ABCA13: variants seen among roughly 807,000 people sequenced by gnomAD.
The protein encoded by ABCA13 is ATP binding cassette subfamily A member 13, also known as ATP-binding cassette sub-family A member 13.
ABCA13 carries 476 observed loss-of-function variants against 478.7 expected under a neutral mutation model. That is an observed-to-expected ratio of 0.99 (90% CI 0.92 to 1.07). The LOEUF is 1.07. Among genes scored for constraint, ABCA13 ranks in the 50% least tolerant of loss-of-function variants. The pLI is 0.00. For synonymous variants in ABCA13, 2,252 were observed against 2,158.9 expected, an observed-to-expected ratio of 1.04 and a Z score of -1.20; for missense variants, 6,060 against 5,910.6, an observed-to-expected ratio of 1.03 and a Z score of -0.83.
At chr7:48,615,458 A>G in intron 59 of ABCA13, 81 bp downstream of exon 59, 1 of 1,265,364 alleles carries the variant, frequency 7.9e-7, no homozygotes, top group Non-Finnish European at 1.1e-6. Context: ...GAGATGCTTT[A>G]GAGGCAAGTA....
In ABCA13 at chr7:48,537,340, T is replaced by C. The variant is rs117481278; in HGVS notation, c.14354+8995T>C. Among the ~76,000 whole-genome samples, 76 of 152,330 alleles carry C rather than the reference T, an allele frequency of 5.0e-4. 1 individual carries two copies. The East Asian group carries it at 0.011, about 21-fold the overall frequency. On this transcript the variant is annotated intron_variant, in intron 55 of 61. Coordinates refer to ENST00000435803, the MANE Select transcript of ABCA13 (RefSeq NM_152701.5). The stretch of plus-strand genomic sequence containing the variant: ...TTTTACCTTGATCCTAAAAATGTAA[T>C]AAATCATAGTATTGTTGTTATTCTC...
chr7:48,629,540 C>T (rs370224847), intron 59 of ABCA13, among the ~76,000 whole-genome samples: 3 of 15,828 alleles, frequency 1.9e-4, no homozygotes, highest in African/African-American at 7.7e-4. Flanking sequence ...TATAAAAGAA[C>T]AAAAAAAATT....
At chr7:48,479,052 A>G (rs1425051548) in intron 45 of ABCA13, among the ~76,000 whole-genome samples, 2 of 147,542 alleles carry the variant, frequency 1.4e-5, no homozygotes, top group Non-Finnish European at 3.0e-5. Flanking sequence ...GGTTCACGCC[A>G]TTCTCCTGCC....
At chr7:48,284,324 G>GT (rs149403471) in intron 19 of ABCA13, among the ~76,000 whole-genome samples, 2,106 of 151,482 alleles carry the variant, frequency 0.014, 21 homozygotes, top group Non-Finnish European at 0.019. Context: ...GGTTTTGCAT[G>GT]TTTTTTTTTC....
intron 53 of ABCA13, among the ~76,000 whole-genome samples, chr7:48,523,540 A>C (rs1585695364): frequency 2.0e-5 from 3 of 151,936 alleles, no homozygotes; most frequent in Admixed American, 1.3e-4. Context: ...ATACTAACTC[A>C]GTCGTTATCA....
At chr7:48,402,133 A>G (rs776406061) in intron 38 of ABCA13, among the ~76,000 whole-genome samples, 1 of 152,132 alleles carries the variant, frequency 6.6e-6, no homozygotes, top group Non-Finnish European at 1.5e-5. Context: ...TAGGGTGCAC[A>G]ATGAGGCAGC....
chr7:48,377,385 C>T (rs1333284223), intron 35 of ABCA13, among the ~76,000 whole-genome samples: 1 of 152,138 alleles, frequency 6.6e-6, no homozygotes, highest in East Asian at 1.9e-4. Flanking sequence ...TACTTGGCAA[C>T]TCTGGTTCTA....
chr7:48,465,597 TAC>T (rs1826787991), intron 43 of ABCA13, among the ~76,000 whole-genome samples: 1 of 151,318 alleles, frequency 6.6e-6, no homozygotes, highest in African/African-American at 2.4e-5. Context: ...ATTTATGGGG[TAC>T]ATGTGATATT....
intron 3 of ABCA13, among the ~76,000 whole-genome samples, chr7:48,214,254 G>A (rs1289654799): frequency 6.6e-6 from 1 of 152,146 alleles, no homozygotes; most frequent in African/African-American, 2.4e-5. Flanking sequence ...AAAATATACA[G>A]TAAAACATGC....
intron 38 of ABCA13, among the ~76,000 whole-genome samples, chr7:48,402,908 C>T (rs1159040016): frequency 6.6e-6 from 1 of 152,190 alleles, no homozygotes; most frequent in Non-Finnish European, 1.5e-5. Flanking sequence ...TTCAGGAAGG[C>T]ATTGTTTAAA....
At chr7:48,403,558 A>G in intron 38 of ABCA13, 125 bp from the exon 39 acceptor site, 1 of 979,398 alleles carries the variant, frequency 1.0e-6, no homozygotes, top group Admixed American at 2.2e-5. Flanking sequence ...TAGCATCCAC[A>G]CCTCTGTGAT....
At chr7:48,336,041 A>G (rs976183072) in intron 28 of ABCA13, among the ~76,000 whole-genome samples, 4 of 152,202 alleles carry the variant, frequency 2.6e-5, no homozygotes, top group African/African-American at 7.2e-5. Flanking sequence ...ATGAGAAAAT[A>G]TGCCTGCATT....
At chr7:48,454,173 C>A (rs560040987) in intron 42 of ABCA13, among the ~76,000 whole-genome samples, 1 of 152,230 alleles carries the variant, frequency 6.6e-6, no homozygotes, top group South Asian at 2.1e-4. Flanking sequence ...CTGGGAAAAA[C>A]TATCACCACA....
chr7:48,457,695 T>C (rs1825822999), intron 43 of ABCA13, among the ~76,000 whole-genome samples: 2 of 152,230 alleles, frequency 1.3e-5, no homozygotes, highest in South Asian at 4.1e-4. Flanking sequence ...GTCTGGAGGT[T>C]TATTTTCTCA....
intron 23 of ABCA13, among the ~76,000 whole-genome samples, chr7:48,305,657 G>T (rs1027304140): frequency 6.6e-6 from 1 of 152,096 alleles, no homozygotes; most frequent in Admixed American, 6.6e-5. Flanking sequence ...GCCATCTCTG[G>T]TGCTCTCCTC....
At chr7:48,246,992 T>C (rs1324148381) in intron 13 of ABCA13, among the ~76,000 whole-genome samples, 6 of 152,034 alleles carry the variant, frequency 3.9e-5, no homozygotes, top group Non-Finnish European at 8.8e-5. Context: ...CCCAGCACTT[T>C]GGGAGGTCTA....
intron 51 of ABCA13, among the ~76,000 whole-genome samples, chr7:48,514,469 T>C (rs1250654638): frequency 1.3e-5 from 2 of 152,182 alleles, no homozygotes; most frequent in Admixed American, 1.3e-4. Flanking sequence ...AATATAGAGT[T>C]TGAATCAGTA....
At chr7:48,604,208 G>T (rs1221825973) in intron 58 of ABCA13, among the ~76,000 whole-genome samples, 1 of 152,010 alleles carries the variant, frequency 6.6e-6, no homozygotes, top group Non-Finnish European at 1.5e-5. Flanking sequence ...TTTTTTGAAG[G>T]ATTTGTTGTG....
At chr7:48,550,501 G>GC (rs57696789) in intron 55 of ABCA13, among the ~76,000 whole-genome samples, 23 of 151,110 alleles carry the variant, frequency 1.5e-4, no homozygotes, top group South Asian at 1.5e-3. Context: ...CAAGTGATCC[G>GC]CCCCCCCTCA....
Sources: allele counts gnomAD v4.1 joint callset (sites outside exome capture counted in the v4.1 genomes callset), GRCh38; gene constraint gnomAD v4.1.1; transcripts MANE v1.5; gene names NCBI Gene and HGNC (gene_info 2026-07-23, HGNC 2026-07-21).